EDNRB: variants seen among roughly 807,000 people sequenced by gnomAD.
EDNRB encodes Hirschsprung disease 2.
A neutral mutation model predicts 46.4 loss-of-function variants in EDNRB; 18 were observed. The ratio of observed to expected loss-of-function variants is 0.39; its 90% CI spans 0.27 to 0.57. EDNRB has a LOEUF of 0.57. EDNRB is among the 20% of genes least tolerant of loss of function. The pLI is 0.61. For synonymous variants in EDNRB, 213 were observed against 204.9 expected, an observed-to-expected ratio of 1.04 and a Z score of -0.34; for missense variants, 434 against 537.5, an observed-to-expected ratio of 0.81 and a Z score of 1.90.
At chr13:77,924,073 A>G (rs1486096536), upstream of EDNRB, among the ~76,000 whole-genome samples, 18 of 152,372 alleles carry the variant, frequency 1.2e-4, no homozygotes, top group Non-Finnish European at 2.1e-4. Context: ...AAGGGAAACA[A>G]TGATTTTACT....
chr13:77,906,404 C>G (rs950920044), intron 1 of EDNRB, among the ~76,000 whole-genome samples: 1 of 152,030 alleles, frequency 6.6e-6, no homozygotes, highest in African/African-American at 2.4e-5. Context: ...AAACATGAAG[C>G]CTAATTTCCC....
intron 1 of EDNRB, among the ~76,000 whole-genome samples, chr13:77,972,504 T>C (rs1881763670): frequency 6.6e-6 from 1 of 152,196 alleles, no homozygotes; most frequent in Non-Finnish European, 1.5e-5. Flanking sequence ...GGACCAACTA[T>C]GGCATAAAAG....
intron 5 of EDNRB, 40 bp downstream of exon 5, chr13:77,900,481 G>A (rs201503461): frequency 1.9e-5 from 31 of 1,610,430 alleles, no homozygotes; most frequent in Middle Eastern, 3.4e-4. Flanking sequence ...CTTCTGAGTG[G>A]CATTTATTTA....
intron 1 of EDNRB, among the ~76,000 whole-genome samples, chr13:77,937,349 C>T (rs1246296420): frequency 6.6e-6 from 1 of 152,166 alleles, no homozygotes; most frequent in East Asian, 1.9e-4. Flanking sequence ...GGAGGTCTGA[C>T]TCGTGAAGCC....
intron 5 of EDNRB, 138 bp from the exon 6 acceptor site, chr13:77,900,105 A>G (rs553932295): frequency 1.2e-5 from 9 of 748,416 alleles, no homozygotes; most frequent in Middle Eastern, 3.6e-4. Flanking sequence ...TTTGCTAACA[A>G]TGATTCTCTG....
intron 1 of EDNRB, among the ~76,000 whole-genome samples, chr13:77,925,844 GCAGA>G (rs1342519010): frequency 2.0e-5 from 3 of 152,142 alleles, no homozygotes; most frequent in Non-Finnish European, 4.4e-5. Context: ...TGGAAAAGAC[GCAGA>G]CAATCAATGC....
chr13:77,906,100 T>C (rs1305574270), intron 1 of EDNRB, among the ~76,000 whole-genome samples: 2 of 151,886 alleles, frequency 1.3e-5, no homozygotes, highest in Non-Finnish European at 2.9e-5. Flanking sequence ...GCTGTATATA[T>C]TTTAAGGGTA....
At chr13:77,966,055 AT>A (rs1244370139) in intron 1 of EDNRB, among the ~76,000 whole-genome samples, 1 of 151,740 alleles carries the variant, frequency 6.6e-6, no homozygotes, top group East Asian at 1.9e-4. Context: ...TTTGATTTTG[AT>A]TTTTTTATTT....
In EDNRB at chr13:77,896,710, A is replaced by T. The variant is rs1177111024; in HGVS notation, c.*1490T>A. 3 of 1,411,868 alleles carry T rather than the reference A, an allele frequency of 2.1e-6. No individual in the cohort carries two copies. Among genetic ancestry groups the T allele is most frequent in the Admixed American group, 5.9e-5 (2 of 33,652 alleles). 87.5% of individuals were successfully genotyped at this position (1,411,868 alleles called of 1,614,324 possible). On this transcript the variant is annotated 3_prime_UTR_variant, in exon 7 of 7. Coordinates refer to ENST00000646607, the MANE Select transcript of EDNRB (RefSeq NM_001122659.3). ...ACCTTTTGCATTGATGTGACGAGGC[A>T]ATGACGAACGTTAGGCTAAGAATGG...
At chr13:77,917,526 A>G (rs1879871716) in intron 1 of EDNRB, among the ~76,000 whole-genome samples, 1 of 152,200 alleles carries the variant, frequency 6.6e-6, no homozygotes, top group Admixed American at 6.5e-5. Flanking sequence ...AGATCTTAAG[A>G]TGCAGATTCT....
At chr13:77,971,698 C>T (rs1881737210) in intron 1 of EDNRB, among the ~76,000 whole-genome samples, 1 of 151,892 alleles carries the variant, frequency 6.6e-6, no homozygotes, top group Admixed American at 6.6e-5. Flanking sequence ...TGACTTAAAT[C>T]CTATAGCTAT....
intron 1 of EDNRB, among the ~76,000 whole-genome samples, chr13:77,969,484 C>A (rs1457900790): frequency 6.6e-6 from 1 of 152,108 alleles, no homozygotes; most frequent in Non-Finnish European, 1.5e-5. Flanking sequence ...CCCTGCAGAG[C>A]CTGAGGTAAT....
chr13:77,944,631 T>C (rs1020410976), intron 1 of EDNRB, among the ~76,000 whole-genome samples: 5 of 152,278 alleles, frequency 3.3e-5, no homozygotes, highest in South Asian at 2.1e-4. Flanking sequence ...AGTTCAAAGA[T>C]AGAAACTCTC....
chr13:77,971,356 C>G (rs1881724029), intron 1 of EDNRB, among the ~76,000 whole-genome samples: 1 of 152,222 alleles, frequency 6.6e-6, no homozygotes, highest in Non-Finnish European at 1.5e-5. Context: ...CCAAGAGTTA[C>G]TTTATCTGCT....
intron 1 of EDNRB, among the ~76,000 whole-genome samples, chr13:77,955,058 C>T (rs71434880): frequency 0.051 from 7,799 of 152,264 alleles, 293 homozygotes; most frequent in Non-Finnish European, 0.08. Context: ...TTTTCTACAG[C>T]AACTGCACCA....
At chr13:77,944,055 TAA>T (rs937555111) in intron 1 of EDNRB, among the ~76,000 whole-genome samples, 28 of 152,084 alleles carry the variant, frequency 1.8e-4, no homozygotes, top group African/African-American at 6.8e-4. Flanking sequence ...ATGGGGGTGC[TAA>T]GTCTTGTTTC....
chr13:77,915,920 T>C (rs1325978890), intron 1 of EDNRB, among the ~76,000 whole-genome samples: 1 of 152,198 alleles, frequency 6.6e-6, no homozygotes, highest in Non-Finnish European at 1.5e-5. Context: ...ATATGGGAGT[T>C]TGAAATGAAA....
upstream of EDNRB, among the ~76,000 whole-genome samples, chr13:77,920,538 C>A (rs767179236): frequency 1.1e-4 from 17 of 152,132 alleles, no homozygotes; most frequent in Admixed American, 2.0e-4. Flanking sequence ...ATAGATGGGA[C>A]AAGAACCTTG....
intron 1 of EDNRB, among the ~76,000 whole-genome samples, chr13:77,909,477 T>G (rs1415297042): frequency 1.3e-5 from 2 of 152,026 alleles, no homozygotes; most frequent in Admixed American, 6.6e-5. Flanking sequence ...CACACACCCC[T>G]GTTAATGCCA....
Sources: allele counts gnomAD v4.1 joint callset (sites outside exome capture counted in the v4.1 genomes callset), GRCh38; gene constraint gnomAD v4.1.1; transcripts MANE v1.5; gene names NCBI Gene and HGNC (gene_info 2026-07-23, HGNC 2026-07-21).